NT5DC1: variants seen among roughly 807,000 people sequenced by gnomAD.
NT5DC1 encodes 5'-nucleotidase domain-containing protein 1.
Under a neutral mutation model 59.4 loss-of-function variants are expected in NT5DC1, and 42 were observed. The ratio of observed to expected loss-of-function variants is 0.71; its 90% CI spans 0.55 to 0.92. The LOEUF is 0.92. Among genes scored for constraint, NT5DC1 ranks in the 40% least tolerant of loss-of-function variants. The pLI, the probability that NT5DC1 is intolerant of heterozygous loss-of-function variation, is 0.00. For synonymous variants in NT5DC1, 172 were observed against 188.1 expected (o/e 0.91, Z 0.70); for missense variants, 501 against 537.1 (o/e 0.93, Z 0.66).
chr6:116,205,877 A>T (rs1442077836), intron 6 of NT5DC1, among the ~76,000 whole-genome samples: 3 of 151,940 alleles, frequency 2.0e-5, no homozygotes, highest in African/African-American at 7.2e-5. Flanking sequence ...TTATGTCATG[A>T]TGATAGGCAA....
chr6:116,218,943 G>C (rs1209778011), intron 6 of NT5DC1, among the ~76,000 whole-genome samples: 1 of 152,168 alleles, frequency 6.6e-6, no homozygotes, highest in East Asian at 1.9e-4. Flanking sequence ...AGGTTGTCCA[G>C]AAGTTGAATG....
At chr6:116,199,702 G>T (rs527440591) in intron 6 of NT5DC1, among the ~76,000 whole-genome samples, 1 of 152,048 alleles carries the variant, frequency 6.6e-6, no homozygotes, top group East Asian at 1.9e-4. Context: ...GTGTGTAAAA[G>T]GGACACAGGA....
chr6:116,182,487 G>C (rs553150348), intron 6 of NT5DC1, among the ~76,000 whole-genome samples: 2 of 152,098 alleles, frequency 1.3e-5, no homozygotes, highest in South Asian at 4.1e-4. Flanking sequence ...GGTTGTACTA[G>C]TTTACATACC....
intron 6 of NT5DC1, among the ~76,000 whole-genome samples, chr6:116,178,492 T>C (rs1248114956): frequency 6.6e-6 from 1 of 152,208 alleles, no homozygotes; most frequent in East Asian, 1.9e-4. Context: ...TAAAAGAGAT[T>C]ACTGCAATGA....
intron 11 of NT5DC1, among the ~76,000 whole-genome samples, chr6:116,240,309 C>T (rs1771674616): frequency 6.6e-6 from 1 of 152,038 alleles, no homozygotes; most frequent in African/African-American, 2.4e-5. Flanking sequence ...AATAATAAAA[C>T]AATACAACAA....
intron 4 of NT5DC1, 147 bp downstream of exon 4, chr6:116,111,103 A>AT (rs1778867941): frequency 1.6e-6 from 1 of 611,624 alleles, no homozygotes; most frequent in Non-Finnish European, 2.9e-6. Flanking sequence ...AATAGGATGT[A>AT]TTTTTTCCAA....
intron 8 of NT5DC1, among the ~76,000 whole-genome samples, chr6:116,223,392 T>C (rs761930728): frequency 1.3e-5 from 2 of 152,238 alleles, no homozygotes; most frequent in African/African-American, 4.8e-5. Flanking sequence ...CCTCGATAAA[T>C]ATTTGAAGGA....
chr6:116,177,157 A>C (rs1484090592), intron 6 of NT5DC1, among the ~76,000 whole-genome samples: 1 of 152,226 alleles, frequency 6.6e-6, no homozygotes, highest in African/African-American at 2.4e-5. Flanking sequence ...ATAAAAATTA[A>C]GTCTTTTGTT....
In NT5DC1 at chr6:116,121,596, C is replaced by T; in HGVS notation, c.529+3651C>T. The T allele has an allele frequency of 1.9e-6, 3 of 1,614,112 alleles. No homozygotes were observed. Among genetic ancestry groups the T allele is most frequent in the Non-Finnish European group, 1.7e-6 (2 of 1,180,024 alleles). ...GGGACTCCTGGTGCACCCTTTTCTC[C>T]AGGAAAGCCCCTGGGTCCTGGGGCT... is the stretch of plus-strand genomic sequence containing the variant. On this transcript the variant is annotated intron_variant, in intron 6 of 11. Coordinates refer to ENST00000319550, the MANE Select transcript of NT5DC1 (RefSeq NM_152729.3).
intron 6 of NT5DC1, chr6:116,120,868 TCCTCCAA>T: frequency 6.2e-7 from 1 of 1,613,380 alleles, no homozygotes; most frequent in Non-Finnish European, 8.5e-7. Context: ...GACCAGGAGG[TCCTCCAA>T]CTCCAGGATC....
At chr6:116,141,691 A>G (rs1459823464) in intron 6 of NT5DC1, among the ~76,000 whole-genome samples, 1 of 151,634 alleles carries the variant, frequency 6.6e-6, no homozygotes, top group Non-Finnish European at 1.5e-5. Flanking sequence ...TATATTCAAC[A>G]TTTGAATTCA....
At chr6:116,177,908 C>G (rs1422460980) in intron 6 of NT5DC1, among the ~76,000 whole-genome samples, 1 of 152,102 alleles carries the variant, frequency 6.6e-6, no homozygotes, top group Non-Finnish European at 1.5e-5. Flanking sequence ...TGTACTTTTG[C>G]TAGAATACAT....
rs368376654 is a variant in NT5DC1 at position 116,223,104 on chromosome 6, C to T, written c.775C>T (p.Pro259Ser). The T allele has an allele frequency of 1.2e-5, 20 of 1,603,216 alleles. No homozygotes were observed. In the South Asian group the frequency reaches 2.0e-4, roughly 16 times the overall value. Residue 259 changes from proline (P) to serine (S), a missense_variant, in exon 8 of 12, where the codon CCA (proline) becomes TCA (serine). Physicochemically the swap from Pro to Ser is moderately conservative, Grantham distance 74. Transcript: ENST00000319550. ...ALKPGFFSHL[P>S]SQRPFRTLEN... ...GAAGCCTGGTTTCTTCTCCCACTTA[C>T]CAAGTCAGAGACCTTTCCGGACACT...
chr6:116,114,536 A>AG (rs1229150345), intron 4 of NT5DC1, among the ~76,000 whole-genome samples: 819 of 20,258 alleles, frequency 0.04, 6 homozygotes, highest in Non-Finnish European at 0.055. Flanking sequence ...AATTGGGGGG[A>AG]GGGGGGGGGA....
chr6:116,120,614 G>T lies in NT5DC1; in HGVS notation c.529+2669G>T, dbSNP rs1582812548. On this transcript the variant is annotated intron_variant, in intron 6 of 11. Transcript: ENST00000319550. The stretch of plus-strand genomic sequence containing the variant: ...GGGCCCTGGAAGACCAGGCTCTCCA[G>T]AGTGGCCTCTTGGACCTGGAGGCCC... 1.3e-6 allele frequency: 2 copies of T among 1,567,004 alleles called. No homozygotes were observed. The highest frequency in any genetic ancestry group is 2.0e-5 in the Admixed American group (1 of 50,184).
intron 4 of NT5DC1, among the ~76,000 whole-genome samples, chr6:116,112,442 A>G (rs1450215940): frequency 6.6e-6 from 1 of 152,232 alleles, no homozygotes; most frequent in Non-Finnish European, 1.5e-5. Flanking sequence ...AAATTTAAAT[A>G]TTATAGAAAT....
At chr6:116,158,633 C>T (rs553958363) in intron 6 of NT5DC1, 2 of 152,134 alleles carry the variant, frequency 1.3e-5, no homozygotes, top group Non-Finnish European at 2.9e-5. Flanking sequence ...CTGAGAGATT[C>T]CCTATATGCT....
At chr6:116,119,845 A>G (rs1449760851) in intron 6 of NT5DC1, 1 of 504,676 alleles carries the variant, frequency 2.0e-6, no homozygotes, top group African/African-American at 1.9e-5. Context: ...AGAAAACCTT[A>G]AAGAGCCTTA....
rs1771848551 is a variant in NT5DC1, at chr6:116,246,397, G to A, written c.*2373G>A. 6.6e-6 allele frequency: 1 copy of A among 151,604 alleles called. No individual in the cohort carries two copies. Among genetic ancestry groups the A allele is most frequent in the Admixed American group, 6.6e-5 (1 of 15,200 alleles). The allele number at this position is 151,604 out of a possible 1,614,324, so 9.4% of individuals were successfully genotyped here. A position where few individuals can be genotyped will look rare whatever the true frequency, so the allele number is the denominator to read the frequency against. ...ATTACAATCTAAAATCAACTTCTGA[G>A]TTTGTTAAACTCTAAACTGAAATCA... On this transcript the variant is annotated 3_prime_UTR_variant, in exon 12 of 12. Coordinates refer to ENST00000319550, the MANE Select transcript of NT5DC1 (RefSeq NM_152729.3).
Sources: allele counts gnomAD v4.1 joint callset (sites outside exome capture counted in the v4.1 genomes callset), GRCh38; gene constraint gnomAD v4.1.1; transcripts MANE v1.5; gene names NCBI Gene and HGNC (gene_info 2026-07-23, HGNC 2026-07-21).